The following SUPT3H variants were observed in gnomAD, a reference collection of about 807,000 sequenced individuals.
SUPT3H encodes the protein SPT3 homolog, SAGA and STAGA complex component.
A neutral mutation model predicts 44.3 loss-of-function variants in SUPT3H; 44 were observed. That is an observed-to-expected ratio of 0.99 (90% CI 0.78 to 1.28). The LOEUF is 1.28. Among genes scored for constraint, SUPT3H ranks in the 50% most tolerant of loss-of-function variants. The pLI is 0.00. For synonymous variants in SUPT3H, 124 were observed against 125.6 expected (o/e 0.99, Z 0.09); for missense variants, 380 against 387.1 (o/e 0.98, Z 0.15).
chr6:44,905,748 T>C (rs1338398073), intron 10 of SUPT3H, among the ~76,000 whole-genome samples: 2 of 152,262 alleles, frequency 1.3e-5, no homozygotes, highest in South Asian at 2.1e-4. Flanking sequence ...CTATTCACAA[T>C]AGCAAAGACT....
chr6:44,900,618 G>A (rs892327336), intron 10 of SUPT3H, among the ~76,000 whole-genome samples: 8 of 152,304 alleles, frequency 5.3e-5, no homozygotes, highest in African/African-American at 1.9e-4. Flanking sequence ...CAAACTAAAG[G>A]CAGCAGAATC....
chr6:45,038,546 G>A (rs1788030206), intron 3 of SUPT3H, among the ~76,000 whole-genome samples: 1 of 152,018 alleles, frequency 6.6e-6, no homozygotes, highest in Admixed American at 6.5e-5. Context: ...AATAATATTG[G>A]TTAGTAAGTG....
At chr6:45,077,175 T>C (rs1248263441) in intron 3 of SUPT3H, among the ~76,000 whole-genome samples, 1 of 152,190 alleles carries the variant, frequency 6.6e-6, no homozygotes, top group Non-Finnish European at 1.5e-5. Flanking sequence ...TTCTCCCTTT[T>C]TGAACCACTG....
At chr6:45,174,344 TAAAC>T (rs1017989767) in intron 2 of SUPT3H, among the ~76,000 whole-genome samples, 3 of 152,192 alleles carry the variant, frequency 2.0e-5, no homozygotes, top group African/African-American at 4.8e-5. Context: ...TTTCTCTAAA[TAAAC>T]AAGAAATTAA....
At chr6:44,891,728 A>G (rs1440775019) in intron 10 of SUPT3H, among the ~76,000 whole-genome samples, 1 of 152,042 alleles carries the variant, frequency 6.6e-6, no homozygotes, top group Admixed American at 6.6e-5. Flanking sequence ...CTGAATGTAC[A>G]CTTAAAAATG....
intron 2 of SUPT3H, among the ~76,000 whole-genome samples, chr6:45,351,217 A>G (rs1791964509): frequency 6.6e-6 from 1 of 152,146 alleles, no homozygotes; most frequent in African/African-American, 2.4e-5. Flanking sequence ...TATGCTCTAA[A>G]TTAGTGAAAA....
intron 2 of SUPT3H, among the ~76,000 whole-genome samples, chr6:45,311,101 G>A (rs966023701): frequency 6.6e-6 from 1 of 152,134 alleles, no homozygotes; most frequent in Non-Finnish European, 1.5e-5. Flanking sequence ...AAAAATTCAG[G>A]AAACTTTGGA....
intron 10 of SUPT3H, among the ~76,000 whole-genome samples, chr6:44,902,928 C>A (rs1434033695): frequency 1.3e-5 from 2 of 152,300 alleles, no homozygotes; most frequent in East Asian, 3.9e-4. Flanking sequence ...TCCTGAATGA[C>A]TACTGGGTAC....
chr6:45,001,530 T>C (rs1245944077), intron 6 of SUPT3H, among the ~76,000 whole-genome samples: 1 of 152,052 alleles, frequency 6.6e-6, no homozygotes, highest in Non-Finnish European at 1.5e-5. Flanking sequence ...CACACATACA[T>C]CAGCTGAAAA....
intron 2 of SUPT3H, among the ~76,000 whole-genome samples, chr6:45,307,214 G>A (rs1584830008): frequency 1.3e-5 from 2 of 152,362 alleles, no homozygotes; most frequent in South Asian, 4.1e-4. Flanking sequence ...CAAACAAAAG[G>A]CAGCAGAAAC....
chr6:44,884,451 C>A (rs1012613801), intron 10 of SUPT3H, among the ~76,000 whole-genome samples: 3 of 152,098 alleles, frequency 2.0e-5, no homozygotes, highest in Non-Finnish European at 4.4e-5. Flanking sequence ...TGTGGCGATT[C>A]CTCCAGGATC....
intron 2 of SUPT3H, among the ~76,000 whole-genome samples, chr6:45,116,361 T>G (rs1003898971): frequency 6.6e-6 from 1 of 152,170 alleles, no homozygotes; most frequent in Non-Finnish European, 1.5e-5. Context: ...TTTCTCTCTC[T>G]CTCTTAAAAA....
intron 2 of SUPT3H, among the ~76,000 whole-genome samples, chr6:45,229,937 A>G (rs1767638770): frequency 6.6e-6 from 1 of 152,076 alleles, no homozygotes; most frequent in South Asian, 2.1e-4. Flanking sequence ...CTACCTAACT[A>G]TACATTTGTA....
chr6:45,036,093 A>G (rs1418908190), intron 3 of SUPT3H, among the ~76,000 whole-genome samples: 3 of 152,226 alleles, frequency 2.0e-5, no homozygotes, highest in Non-Finnish European at 4.4e-5. Flanking sequence ...GTAGGGACAC[A>G]GCATTGAATA....
At chr6:44,915,721 A>G (rs1767708323) in intron 10 of SUPT3H, among the ~76,000 whole-genome samples, 1 of 152,164 alleles carries the variant, frequency 6.6e-6, no homozygotes, top group Non-Finnish European at 1.5e-5. Context: ...ATTTCTATTG[A>G]TAATAACTCA....
intron 2 of SUPT3H, among the ~76,000 whole-genome samples, chr6:45,140,721 TC>T (rs1168649665): frequency 6.6e-6 from 1 of 152,018 alleles, no homozygotes; most frequent in Non-Finnish European, 1.5e-5. Context: ...ACGGATAACA[TC>T]ACAGAACTCT....
intron 3 of SUPT3H, among the ~76,000 whole-genome samples, chr6:45,079,471 G>C (rs1390512563): frequency 2.0e-5 from 3 of 147,358 alleles, no homozygotes; most frequent in Non-Finnish European, 4.6e-5. Context: ...AGAAGAAGGG[G>C]AAAGGAGGAG....
At chr6:45,368,942 A>T (rs548471435) in intron 1 of SUPT3H, among the ~76,000 whole-genome samples, 1 of 152,168 alleles carries the variant, frequency 6.6e-6, no homozygotes, top group Non-Finnish European at 1.5e-5. Context: ...ATCAGGTTAC[A>T]TCATGATCTA....
At chr6:45,022,726 A>G (rs1785344286) in intron 3 of SUPT3H, among the ~76,000 whole-genome samples, 1 of 151,772 alleles carries the variant, frequency 6.6e-6, no homozygotes, top group Non-Finnish European at 1.5e-5. Context: ...CCAAACTCTG[A>G]CCTCCTCTTC....
Sources: allele counts gnomAD v4.1 joint callset (sites outside exome capture counted in the v4.1 genomes callset), GRCh38; gene constraint gnomAD v4.1.1; transcripts MANE v1.5; gene names NCBI Gene and HGNC (gene_info 2026-07-23, HGNC 2026-07-21).